Variants in CTNNA2 observed in about 807,000 individuals in gnomAD.
CTNNA2 encodes the protein catenin alpha 2.
A neutral mutation model predicts 101.0 loss-of-function variants in CTNNA2; 42 were observed. That is an observed-to-expected ratio of 0.42 (90% CI 0.32 to 0.54). The LOEUF is 0.54. Among genes scored for constraint, CTNNA2 ranks in the 20% least tolerant of loss-of-function variants. The pLI is 0.14. For missense variants in CTNNA2, 871 were observed against 1,223.1 expected (o/e 0.71, Z 4.29); for synonymous variants, 450 against 456.4 (o/e 0.99, Z 0.18).
At chr2:80,391,186 C>T (rs1677480153) in intron 7 of CTNNA2, among the ~76,000 whole-genome samples, 1 of 151,014 alleles carries the variant, frequency 6.6e-6, no homozygotes. Flanking sequence ...ATCTTGATGA[C>T]TGAGTTCCTT....
At chr2:79,632,925 A>G (rs1379399730) in intron 1 of CTNNA2, among the ~76,000 whole-genome samples, 1 of 152,192 alleles carries the variant, frequency 6.6e-6, no homozygotes, top group Non-Finnish European at 1.5e-5. Flanking sequence ...AAGAGCAACT[A>G]GAGTATAGAT....
chr2:80,511,605 A>C (rs556269658), intron 9 of CTNNA2, among the ~76,000 whole-genome samples: 59 of 152,330 alleles, frequency 3.9e-4, no homozygotes, highest in Admixed American at 6.5e-4. Flanking sequence ...GAATCTCAAA[A>C]TAGGGACATA....
chr2:79,439,939 C>T (rs75052824), intron 4 of CTNNA2, among the ~76,000 whole-genome samples: 2,719 of 152,154 alleles, frequency 0.018, 86 homozygotes, highest in African/African-American at 0.061. Context: ...TGCAGGGAAA[C>T]ATGCGAAGGT....
chr2:80,381,428 A>G (rs1215785485), intron 7 of CTNNA2, among the ~76,000 whole-genome samples: 1 of 152,194 alleles, frequency 6.6e-6, no homozygotes, highest in Non-Finnish European at 1.5e-5. Flanking sequence ...GTTAAGAATT[A>G]AAGTGCTTGG....
chr2:79,512,681 G>A (rs1024652154), upstream of CTNNA2, among the ~76,000 whole-genome samples: 12 of 151,892 alleles, frequency 7.9e-5, no homozygotes, highest in African/African-American at 2.9e-4. Flanking sequence ...CATGGACACG[G>A]CACCTGCGCC....
chr2:79,391,177 A>C (rs573139928), intron 4 of CTNNA2, among the ~76,000 whole-genome samples: 1 of 152,088 alleles, frequency 6.6e-6, no homozygotes, highest in Non-Finnish European at 1.5e-5. Flanking sequence ...AATGGATTAC[A>C]GTTGACCCTT....
intron 3 of CTNNA2, among the ~76,000 whole-genome samples, chr2:79,835,964 T>A (rs986637419): frequency 9.2e-5 from 14 of 152,090 alleles, no homozygotes; most frequent in Non-Finnish European, 1.9e-4. Flanking sequence ...CTTTCATCTC[T>A]GACTTGCACA....
At chr2:79,974,233 G>T (rs1303426466) in intron 7 of CTNNA2, among the ~76,000 whole-genome samples, 1 of 152,076 alleles carries the variant, frequency 6.6e-6, no homozygotes, top group African/African-American at 2.4e-5. Context: ...GATAATAATA[G>T]AAGTCTGCTG....
chr2:79,864,457 A>G (rs1339597912), intron 4 of CTNNA2, among the ~76,000 whole-genome samples: 1 of 152,106 alleles, frequency 6.6e-6, no homozygotes, highest in East Asian at 1.9e-4. Flanking sequence ...CACTCTATAT[A>G]TAGGTTATGG....
chr2:79,813,689 A>G (rs937417228), intron 3 of CTNNA2, among the ~76,000 whole-genome samples: 56 of 152,164 alleles, frequency 3.7e-4, no homozygotes, highest in African/African-American at 1.3e-3. Context: ...TCACAGGAGC[A>G]AATAGGACCC....
chr2:79,625,861 C>T (rs944529415), intron 1 of CTNNA2, among the ~76,000 whole-genome samples: 14 of 152,206 alleles, frequency 9.2e-5, no homozygotes, highest in African/African-American at 3.4e-4. Context: ...ATGTTTAGCT[C>T]AAGGTAGGTA....
rs529729574 is a variant in CTNNA2, at chr2:80,212,482, G to C, written c.1057-180729G>C. Among the ~76,000 whole-genome samples the C allele has an allele frequency of 1.3e-4, 20 of 152,230 alleles. 1 individual carries two copies. In the South Asian group the frequency reaches 4.1e-3, roughly 32 times the overall value. On this transcript the variant is annotated intron_variant, in intron 7 of 18. Transcript: ENST00000402739. ...CTGCATCTATTGAGATAATCATGTG[G>C]TTTTTGTCTTTGGTTCTGTTTATCT...
chr2:80,180,748 C>T (rs1318053463), intron 7 of CTNNA2, among the ~76,000 whole-genome samples: 1 of 152,216 alleles, frequency 6.6e-6, no homozygotes, highest in Non-Finnish European at 1.5e-5. Context: ...TCTAAATTGA[C>T]TCGTCTATCC....
At chr2:80,478,852 TG>T (rs1685925277) in intron 9 of CTNNA2, among the ~76,000 whole-genome samples, 1 of 152,124 alleles carries the variant, frequency 6.6e-6, no homozygotes, top group African/African-American at 2.4e-5. Flanking sequence ...AGCATTTCTT[TG>T]GCTATTTGGG....
chr2:79,281,230 A>C (rs1343105685), intron 2 of CTNNA2, among the ~76,000 whole-genome samples: 1 of 152,110 alleles, frequency 6.6e-6, no homozygotes, highest in Non-Finnish European at 1.5e-5. Context: ...CTGCAAAGCA[A>C]AGCATTAATC....
At chr2:80,299,965 TG>T (rs1676094115) in intron 7 of CTNNA2, among the ~76,000 whole-genome samples, 1 of 152,140 alleles carries the variant, frequency 6.6e-6, no homozygotes. Flanking sequence ...CTACATTTTT[TG>T]TTTTCTAAAA....
intron 2 of CTNNA2, among the ~76,000 whole-genome samples, chr2:79,703,143 T>C (rs13028762): frequency 0.32 from 48,528 of 152,028 alleles, 8,192 homozygotes; most frequent in Admixed American, 0.38. Context: ...AATTAGTCTT[T>C]CTCCAACTTA....
At chr2:80,032,524 AACAC>A (rs151181851) in intron 7 of CTNNA2, among the ~76,000 whole-genome samples, 1 of 152,096 alleles carries the variant, frequency 6.6e-6, no homozygotes, top group African/African-American at 2.4e-5. Flanking sequence ...TTCTTGATTA[AACAC>A]ACACACACAC....
intron 1 of CTNNA2, among the ~76,000 whole-genome samples, chr2:79,570,977 G>A (rs1675428761): frequency 6.6e-6 from 1 of 152,164 alleles, no homozygotes; most frequent in Admixed American, 6.5e-5. Context: ...CTGTGCCTGT[G>A]TGGCTTCTTG....
Sources: gnomAD v4.1 joint callset for allele counts (sites outside exome capture counted in the v4.1 genomes callset) on GRCh38, gnomAD v4.1.1 for gene constraint, MANE v1.5 for transcripts, NCBI Gene and HGNC (gene_info 2026-07-23, HGNC 2026-07-21) for gene names.